CTNNA2: variants seen among roughly 807,000 people sequenced by gnomAD.
CTNNA2 encodes the protein catenin alpha 2, also known as catenin alpha-2.
In CTNNA2, 42 loss-of-function variants were observed where a neutral mutation model predicts 101.0. The observed-to-expected ratio is 0.42, with a 90% CI of 0.32 to 0.54. The LOEUF (loss-of-function observed/expected upper bound fraction) is 0.54. Ranked by LOEUF, CTNNA2 falls within the 20% of genes least tolerant of loss-of-function variation. The probability of loss-of-function intolerance (pLI) is 0.14; values close to 1 mark genes in which losing one functional copy is unlikely to be tolerated. For missense variants in CTNNA2, 871 were observed against 1,223.1 expected, an observed-to-expected ratio of 0.71 and a Z score of 4.29; for synonymous variants, 450 against 456.4, an observed-to-expected ratio of 0.99 and a Z score of 0.18.
intron 2 of CTNNA2, among the ~76,000 whole-genome samples, chr2:79,675,655 T>C (rs1683134331): frequency 6.6e-6 from 1 of 152,182 alleles, no homozygotes; most frequent in Non-Finnish European, 1.5e-5. Context: ...GAGGTGCTTT[T>C]GGGGATCCAT....
intron 7 of CTNNA2, among the ~76,000 whole-genome samples, chr2:80,391,686 A>G (rs5001219): frequency 0.28 from 42,589 of 152,152 alleles, 9,971 homozygotes; most frequent in African/African-American, 0.65. Context: ...GAGGCAGAGC[A>G]TTGAAGTCAC....
intron 1 of CTNNA2, among the ~76,000 whole-genome samples, chr2:79,543,260 C>A (rs6723701): frequency 0.019 from 2,937 of 152,026 alleles, 92 homozygotes; most frequent in African/African-American, 0.067. Context: ...GAAACAAAAC[C>A]GTGTAATATC....
intron 7 of CTNNA2, among the ~76,000 whole-genome samples, chr2:80,112,263 T>G (rs1157849801): frequency 6.6e-6 from 1 of 152,220 alleles, no homozygotes; most frequent in African/African-American, 2.4e-5. Flanking sequence ...TCTCTTGATA[T>G]GTGAAATTAT....
chr2:79,928,589 T>C (rs1687185982), intron 7 of CTNNA2, among the ~76,000 whole-genome samples: 1 of 152,222 alleles, frequency 6.6e-6, no homozygotes, highest in South Asian at 2.1e-4. Flanking sequence ...GATACATTAT[T>C]ATCCAAGAAA....
intron 1 of CTNNA2, among the ~76,000 whole-genome samples, chr2:79,188,986 G>A (rs1673817797): frequency 6.6e-6 from 1 of 152,030 alleles, no homozygotes; most frequent in South Asian, 2.1e-4. Context: ...TATTAAATAT[G>A]GTCAAACCAC....
intron 7 of CTNNA2, among the ~76,000 whole-genome samples, chr2:79,974,249 A>G (rs1690686319): frequency 6.6e-6 from 1 of 152,114 alleles, no homozygotes; most frequent in African/African-American, 2.4e-5. Flanking sequence ...TGCTGTAGAG[A>G]TAATATATGA....
chr2:80,627,684 T>C (rs928311454), intron 18 of CTNNA2, among the ~76,000 whole-genome samples: 3 of 152,198 alleles, frequency 2.0e-5, no homozygotes, highest in African/African-American at 2.4e-5. Context: ...GATAGTTTCC[T>C]TTGCTGTGCA....
intron 7 of CTNNA2, among the ~76,000 whole-genome samples, chr2:80,262,396 G>A (rs1410990356): frequency 6.6e-6 from 1 of 152,072 alleles, no homozygotes; most frequent in South Asian, 2.1e-4. Context: ...TTTCATTATT[G>A]CAACAATGCT....
At chr2:79,511,994 A>T (rs1671557056), upstream of CTNNA2, among the ~76,000 whole-genome samples, 1 of 152,046 alleles carries the variant, frequency 6.6e-6, no homozygotes, top group South Asian at 2.1e-4. Context: ...CTCTCTCTTG[A>T]TTTAAAACAA....
intron 7 of CTNNA2, among the ~76,000 whole-genome samples, chr2:80,175,204 C>A (rs1320238162): frequency 1.3e-5 from 2 of 152,148 alleles, no homozygotes; most frequent in Non-Finnish European, 2.9e-5. Flanking sequence ...CTCTTCAGAT[C>A]CCACCTCAAC....
At chr2:79,946,196 A>G (rs577534080) in intron 7 of CTNNA2, among the ~76,000 whole-genome samples, 21 of 152,130 alleles carry the variant, frequency 1.4e-4, no homozygotes, top group Admixed American at 3.3e-4. Flanking sequence ...CTCAACATCA[A>G]ATAACTAATG....
At chr2:79,216,838 G>T (rs1674268049) in intron 2 of CTNNA2, among the ~76,000 whole-genome samples, 3 of 152,234 alleles carry the variant, frequency 2.0e-5, no homozygotes, top group South Asian at 4.1e-4. Context: ...ATGCCCCCCA[G>T]AACTGCAGTA....
intron 9 of CTNNA2, among the ~76,000 whole-genome samples, chr2:80,470,608 A>G (rs1235624158): frequency 6.6e-6 from 1 of 152,130 alleles, no homozygotes; most frequent in Non-Finnish European, 1.5e-5. Flanking sequence ...TGTCAGTATT[A>G]CTTCATTCAT....
chr2:79,670,543 AG>A (rs1682766652), intron 2 of CTNNA2, among the ~76,000 whole-genome samples: 2 of 152,186 alleles, frequency 1.3e-5, no homozygotes, highest in African/African-American at 2.4e-5. Context: ...CATTATTAAC[AG>A]GCTGAAATAA....
At chr2:80,417,717 T>A (rs1001048990) in intron 8 of CTNNA2, among the ~76,000 whole-genome samples, 4 of 152,068 alleles carry the variant, frequency 2.6e-5, no homozygotes, top group African/African-American at 9.7e-5. Flanking sequence ...TTTGAAATGG[T>A]AGGTTGCAGT....
At chr2:79,272,584 C>T (rs950049686) in intron 2 of CTNNA2, among the ~76,000 whole-genome samples, 12 of 151,920 alleles carry the variant, frequency 7.9e-5, no homozygotes, top group African/African-American at 2.9e-4. Context: ...ACAGACACAG[C>T]CTTTACACTT....
At position 80,107,663 on chromosome 2, in the gene CTNNA2, C is replaced by T. The variant is rs72813793; in HGVS notation, c.1056+197866C>T. Among the ~76,000 whole-genome samples the T allele has an allele frequency of 4.4e-3, 676 of 152,346 alleles. 10 individuals carry two copies. Among genetic ancestry groups the T allele is most frequent in the Non-Finnish European group, 3.3e-3 (225 of 68,030 alleles). ...TGCCCAACAAAGGCTGTCACACTGG[C>T]ACTTTGCCCTTGCTGGCAGAGGGCC... On this transcript the variant is annotated intron_variant, in intron 7 of 18. Transcript: ENST00000402739.
chr2:80,274,890 C>A (rs1204216745), intron 7 of CTNNA2, among the ~76,000 whole-genome samples: 2 of 152,154 alleles, frequency 1.3e-5, no homozygotes, highest in African/African-American at 4.8e-5. Context: ...CTTGCACATA[C>A]CTTTGTTGCG....
intron 7 of CTNNA2, among the ~76,000 whole-genome samples, chr2:80,103,379 C>A (rs187693439): frequency 6.6e-6 from 1 of 152,102 alleles, no homozygotes; most frequent in African/African-American, 2.4e-5. Context: ...TAGAAGGACA[C>A]GAGTCCTACT....
Sources: gnomAD v4.1 joint callset for allele counts (sites outside exome capture counted in the v4.1 genomes callset) on GRCh38, gnomAD v4.1.1 for gene constraint, MANE v1.5 for transcripts, NCBI Gene and HGNC (gene_info 2026-07-23, HGNC 2026-07-21) for gene names.